TRABD2B: variants seen among roughly 807,000 people sequenced by gnomAD.
TRABD2B encodes the protein TraB domain containing 2B.
A neutral mutation model predicts 40.1 loss-of-function variants in TRABD2B; 14 were observed. The ratio of observed to expected loss-of-function variants is 0.35; its 90% CI spans 0.23 to 0.55. The LOEUF (loss-of-function observed/expected upper bound fraction) is 0.55, where lower values mean the gene tolerates loss of function less well. TRABD2B is among the 20% of genes least tolerant of loss of function. TRABD2B has a pLI of 0.90. For missense variants in TRABD2B, 541 were observed against 648.6 expected, an observed-to-expected ratio of 0.83 and a Z score of 1.80; for synonymous variants, 263 against 277.0, an observed-to-expected ratio of 0.95 and a Z score of 0.50.
intron 2 of TRABD2B, among the ~76,000 whole-genome samples, chr1:47,982,124 C>T (rs1451530010): frequency 6.6e-6 from 1 of 152,200 alleles, no homozygotes; most frequent in African/African-American, 2.4e-5. Flanking sequence ...AATGGCCATG[C>T]TCTGGGTGGT....
At position 47,855,947 on chromosome 1, in the gene TRABD2B, T is replaced by G. The variant is rs139900605; in HGVS notation, c.667-54328A>C. Among the ~76,000 whole-genome samples the G allele has an allele frequency of 5.0e-3, 767 of 152,350 alleles. 7 individuals are homozygous for G. The highest frequency in any genetic ancestry group is 0.017 in the African/African-American group (726 of 41,582). ...AGCTATCCAGTTGGTGATATTATGT[T>G]ATAGCAGCCTTAGTGGATGAGGGCG... On this transcript the variant is annotated intron_variant, in intron 2 of 6. Coordinates refer to ENST00000606738, the MANE Select transcript of TRABD2B (RefSeq NM_001194986.2).
At chr1:47,892,740 G>C (rs1233820661) in intron 2 of TRABD2B, among the ~76,000 whole-genome samples, 1 of 152,198 alleles carries the variant, frequency 6.6e-6, no homozygotes, top group Non-Finnish European at 1.5e-5. Flanking sequence ...ATTCTTCTAT[G>C]TGAATGAATG....
intron 2 of TRABD2B, among the ~76,000 whole-genome samples, chr1:47,846,035 C>G (rs1437905750): frequency 6.6e-6 from 1 of 152,146 alleles, no homozygotes. Context: ...CAAAGGGGGT[C>G]TGCGTGAGTA....
chr1:47,810,325 C>A (rs1161310343), intron 2 of TRABD2B, among the ~76,000 whole-genome samples: 1 of 152,138 alleles, frequency 6.6e-6, no homozygotes, highest in Admixed American at 6.5e-5. Flanking sequence ...CTGCCTTAGC[C>A]TCCCAATAAA....
chr1:47,913,468 C>G (rs1332275397), intron 2 of TRABD2B, among the ~76,000 whole-genome samples: 2 of 152,210 alleles, frequency 1.3e-5, no homozygotes, highest in Non-Finnish European at 2.9e-5. Context: ...AAACCCAGCT[C>G]ACTGTTTACC....
At chr1:47,961,189 T>A (rs1288681014) in intron 2 of TRABD2B, among the ~76,000 whole-genome samples, 1 of 152,236 alleles carries the variant, frequency 6.6e-6, no homozygotes, top group Non-Finnish European at 1.5e-5. Flanking sequence ...ATCTCTTCCT[T>A]ACACCTTATA....
chr1:47,959,550 A>T (rs1645478513), intron 2 of TRABD2B, among the ~76,000 whole-genome samples: 6 of 152,244 alleles, frequency 3.9e-5, no homozygotes, highest in Admixed American at 3.9e-4. Context: ...CCACAGAAAT[A>T]CAAACTACCA....
chr1:47,884,120 T>TAA (rs1644340701), intron 2 of TRABD2B, among the ~76,000 whole-genome samples: 1 of 152,250 alleles, frequency 6.6e-6, no homozygotes. Context: ...GTGCTAGTCA[T>TAA]TAGGTGCCCA....
chr1:47,936,203 G>C (rs1440640065), intron 2 of TRABD2B, among the ~76,000 whole-genome samples: 1 of 152,208 alleles, frequency 6.6e-6, no homozygotes, highest in African/African-American at 2.4e-5. Context: ...AATGATCAAA[G>C]AGAAGAGATT....
At position 47,905,978 on chromosome 1, in the gene TRABD2B, G is replaced by A. The variant is rs568324533; in HGVS notation, c.666+88056C>T. On this transcript the variant is annotated intron_variant, in intron 2 of 6. Coordinates refer to ENST00000606738, the MANE Select transcript of TRABD2B (RefSeq NM_001194986.2). ...CCCCAGCACTCCACATTACTCCTGG[G>A]CTTAGAGGTCTTCCAGCACTCCTGC... Among the ~76,000 whole-genome samples, 23 of 152,264 alleles carry A rather than the reference G, an allele frequency of 1.5e-4. No homozygotes were observed. In the South Asian group the frequency reaches 4.8e-3, roughly 32 times the overall value.
At chr1:47,881,134 C>T (rs1384639546) in intron 2 of TRABD2B, among the ~76,000 whole-genome samples, 1 of 152,200 alleles carries the variant, frequency 6.6e-6, no homozygotes, top group Non-Finnish European at 1.5e-5. Flanking sequence ...TTCCTTAATC[C>T]TGCATGGTCT....
intron 2 of TRABD2B, among the ~76,000 whole-genome samples, chr1:47,817,741 A>G (rs1278946039): frequency 6.6e-6 from 1 of 152,120 alleles, no homozygotes; most frequent in Non-Finnish European, 1.5e-5. Flanking sequence ...CTCGCAGGAC[A>G]TGCAAGGAGG....
chr1:47,767,857 T>C (rs1644326262), intron 6 of TRABD2B, among the ~76,000 whole-genome samples: 2 of 152,244 alleles, frequency 1.3e-5, no homozygotes, highest in African/African-American at 4.8e-5. Context: ...TCCTAACAGC[T>C]GGCCATAATC....
At chr1:47,874,992 C>T (rs898978267) in intron 2 of TRABD2B, among the ~76,000 whole-genome samples, 1 of 152,080 alleles carries the variant, frequency 6.6e-6, no homozygotes, top group Admixed American at 6.5e-5. Flanking sequence ...CTCAGTCTGT[C>T]CTCACACACT....
rs150429476 is a variant in TRABD2B at position 47,808,332 on chromosome 1, T to C, written c.667-6713A>G. Among the ~76,000 whole-genome samples the C allele has an allele frequency of 7.2e-4, 109 of 152,346 alleles. 1 individual carries two copies. Among genetic ancestry groups the C allele is most frequent in the African/African-American group, 2.6e-3 (108 of 41,574 alleles). On this transcript the variant is annotated intron_variant, in intron 2 of 6. Coordinates refer to ENST00000606738, the MANE Select transcript of TRABD2B (RefSeq NM_001194986.2). Reference sequence around the variant, plus strand: ...TGTGTATAAAATGTATATACCTATATATATATTTACAGAGATACATACACA... The same window carrying C: ...TGTGTATAAAATGTATATACCTATACATATATTTACAGAGATACATACACA...
At chr1:47,858,306 G>A (rs1181002934) in intron 2 of TRABD2B, among the ~76,000 whole-genome samples, 1 of 151,034 alleles carries the variant, frequency 6.6e-6, no homozygotes, top group African/African-American at 2.4e-5. Flanking sequence ...CACCCAGGCT[G>A]GTGTGCAGTG....
intron 2 of TRABD2B, among the ~76,000 whole-genome samples, chr1:47,992,637 C>T (rs1440060744): frequency 1.3e-5 from 2 of 152,222 alleles, no homozygotes; most frequent in Non-Finnish European, 2.9e-5. Context: ...CCGGGGGTCC[C>T]GACACAGATA....
intron 2 of TRABD2B, among the ~76,000 whole-genome samples, chr1:47,847,138 T>C (rs1280646789): frequency 6.6e-6 from 1 of 152,196 alleles, no homozygotes; most frequent in African/African-American, 2.4e-5. Context: ...TTGGGGGAAC[T>C]TGGAGGTGGT....
intron 6 of TRABD2B, among the ~76,000 whole-genome samples, chr1:47,768,937 C>A (rs1247324364): frequency 2.0e-5 from 3 of 152,232 alleles, no homozygotes; most frequent in Admixed American, 1.3e-4. Context: ...TCTCCCCAGC[C>A]TGAGACAGGC....
Sources: gnomAD v4.1 joint callset for allele counts (sites outside exome capture counted in the v4.1 genomes callset) on GRCh38, gnomAD v4.1.1 for gene constraint, MANE v1.5 for transcripts, NCBI Gene and HGNC (gene_info 2026-07-23, HGNC 2026-07-21) for gene names.